FSTL5: variants seen among roughly 807,000 people sequenced by gnomAD.
FSTL5 encodes follistatin-related protein 5.
A neutral mutation model predicts 89.1 loss-of-function variants in FSTL5; 62 were observed. The ratio of observed to expected loss-of-function variants is 0.70; its 90% confidence interval spans 0.57 to 0.86. The LOEUF (loss-of-function observed/expected upper bound fraction) is 0.86, where lower values mean the gene tolerates loss of function less well. Ranked by LOEUF, FSTL5 falls within the 40% of genes least tolerant of loss-of-function variation. FSTL5 has a pLI of 0.00. For synonymous variants in FSTL5, 383 were observed against 346.2 expected, an observed-to-expected ratio of 1.11 and a Z score of -1.18; for missense variants, 1,057 against 1,001.6, an observed-to-expected ratio of 1.06 and a Z score of -0.75.
intron 1 of FSTL5, among the ~76,000 whole-genome samples, chr4:162,132,818 G>A (rs1732357919): frequency 6.6e-6 from 1 of 152,210 alleles, no homozygotes. Flanking sequence ...TTGGCTCCCA[G>A]ATTGTCAGCC....
intron 7 of FSTL5, among the ~76,000 whole-genome samples, chr4:161,590,920 T>G (rs1053573423): frequency 2.0e-5 from 3 of 152,162 alleles, no homozygotes; most frequent in African/African-American, 7.2e-5. Flanking sequence ...TGTCTAATAC[T>G]AACTGTATGC....
intron 7 of FSTL5, among the ~76,000 whole-genome samples, chr4:161,631,731 C>A (rs17403181): frequency 2.0e-5 from 3 of 151,952 alleles, no homozygotes; most frequent in Non-Finnish European, 4.4e-5. Flanking sequence ...AGAACCTCTT[C>A]TGACACACAA....
At chr4:161,813,683 G>A (rs359147) in intron 4 of FSTL5, among the ~76,000 whole-genome samples, 1 of 151,952 alleles carries the variant, frequency 6.6e-6, no homozygotes, top group Non-Finnish European at 1.5e-5. Flanking sequence ...CTTTGCCTTA[G>A]TTATTTTATC....
intron 1 of FSTL5, among the ~76,000 whole-genome samples, chr4:162,152,869 GAA>G (rs34143516): frequency 1.4e-5 from 2 of 142,806 alleles, no homozygotes; most frequent in African/African-American, 5.1e-5. Flanking sequence ...AAACTGGAAA[GAA>G]AAAAAAAAAC....
At chr4:161,857,086 AT>A (rs1477862928) in intron 4 of FSTL5, among the ~76,000 whole-genome samples, 1 of 152,190 alleles carries the variant, frequency 6.6e-6, no homozygotes, top group Non-Finnish European at 1.5e-5. Context: ...ACATTGGGAT[AT>A]TCAAAGGTGG....
chr4:161,570,929 C>T (rs905478137), intron 8 of FSTL5, among the ~76,000 whole-genome samples: 17 of 152,028 alleles, frequency 1.1e-4, no homozygotes, highest in African/African-American at 4.1e-4. Flanking sequence ...TCCTGGCCAA[C>T]ATGGTGAAAC....
intron 12 of FSTL5, among the ~76,000 whole-genome samples, chr4:161,482,593 G>A (rs771846445): frequency 1.7e-4 from 26 of 152,020 alleles, no homozygotes; most frequent in African/African-American, 2.7e-4. Context: ...ATCACCAAGC[G>A]TTTATTTTTA....
intron 1 of FSTL5, among the ~76,000 whole-genome samples, chr4:162,157,245 A>T (rs1733513075): frequency 6.6e-6 from 1 of 152,142 alleles, no homozygotes; most frequent in Non-Finnish European, 1.5e-5. Context: ...GAACAATGTA[A>T]TTTTTAAATA....
At chr4:161,513,726 C>T (rs531778846) in intron 10 of FSTL5, among the ~76,000 whole-genome samples, 34 of 152,188 alleles carry the variant, frequency 2.2e-4, no homozygotes, top group African/African-American at 7.7e-4. Context: ...CCTTAGCAAA[C>T]TAATGCAGGA....
intron 2 of FSTL5, among the ~76,000 whole-genome samples, chr4:162,063,125 C>G (rs1053063051): frequency 6.6e-6 from 1 of 151,602 alleles, no homozygotes; most frequent in African/African-American, 2.4e-5. Flanking sequence ...GGTCCCTAGC[C>G]CTTCTGGGTT....
At chr4:161,421,765 T>A (rs1731999180) in intron 15 of FSTL5, among the ~76,000 whole-genome samples, 1 of 152,252 alleles carries the variant, frequency 6.6e-6, no homozygotes, top group South Asian at 2.1e-4. Context: ...GGAGGGAGCT[T>A]AAATTTGCTT....
At chr4:161,602,929 A>C (rs1399298995) in intron 7 of FSTL5, among the ~76,000 whole-genome samples, 1 of 152,196 alleles carries the variant, frequency 6.6e-6, no homozygotes, top group Non-Finnish European at 1.5e-5. Context: ...GGAAGAAGGA[A>C]TGTAATACCA....
At chr4:161,682,755 T>A (rs1230695695) in intron 6 of FSTL5, among the ~76,000 whole-genome samples, 3 of 152,050 alleles carry the variant, frequency 2.0e-5, no homozygotes, top group East Asian at 1.9e-4. Context: ...TCCTTTTTTT[T>A]TTATTTTTTG....
chr4:161,801,187 C>A (rs1729779698), intron 4 of FSTL5, among the ~76,000 whole-genome samples: 1 of 151,552 alleles, frequency 6.6e-6, no homozygotes, highest in Non-Finnish European at 1.5e-5. Context: ...GTTGTTCATG[C>A]ATTTATTGTA....
At chr4:161,391,010 G>T (rs558591726) in intron 15 of FSTL5, among the ~76,000 whole-genome samples, 1 of 152,204 alleles carries the variant, frequency 6.6e-6, no homozygotes, top group South Asian at 2.1e-4. Context: ...CTTCGCACGC[G>T]CATTAATTGT....
At chr4:162,114,541 C>G (rs1731563219) in intron 1 of FSTL5, among the ~76,000 whole-genome samples, 1 of 100,212 alleles carries the variant, frequency 1.0e-5, no homozygotes, top group African/African-American at 4.8e-5. Flanking sequence ...CACACACACA[C>G]ACACACACAC....
intron 4 of FSTL5, among the ~76,000 whole-genome samples, chr4:161,825,938 T>C (rs1413427326): frequency 6.6e-6 from 1 of 152,046 alleles, no homozygotes; most frequent in Non-Finnish European, 1.5e-5. Context: ...TTGGTTTGTT[T>C]TTATTTCTCT....
intron 3 of FSTL5, among the ~76,000 whole-genome samples, chr4:162,013,235 A>T (rs1736821203): frequency 6.6e-6 from 1 of 152,054 alleles, no homozygotes; most frequent in Non-Finnish European, 1.5e-5. Context: ...ATTACAATTG[A>T]CTCATTTCTC....
At chr4:162,001,141 G>A (rs1332753447) in intron 3 of FSTL5, among the ~76,000 whole-genome samples, 7 of 152,120 alleles carry the variant, frequency 4.6e-5, no homozygotes, top group East Asian at 1.9e-4. Flanking sequence ...TTTTGATACC[G>A]TTTAGTTTCA....
Sources: gnomAD v4.1 joint callset for allele counts (sites outside exome capture counted in the v4.1 genomes callset) on GRCh38, gnomAD v4.1.1 for gene constraint, MANE v1.5 for transcripts, NCBI Gene and HGNC (gene_info 2026-07-23, HGNC 2026-07-21) for gene names.